The following DCAF13 variants were observed in gnomAD, a reference collection of about 807,000 sequenced individuals.
The protein encoded by DCAF13 is DDB1 and CUL4 associated factor 13.
DCAF13 carries 38 observed loss-of-function variants against 59.0 expected under a neutral mutation model. That is an observed-to-expected ratio of 0.64 (90% CI 0.50 to 0.84). The LOEUF (loss-of-function observed/expected upper bound fraction) is 0.84, where lower values mean the gene tolerates loss of function less well. DCAF13 is among the 40% of genes least tolerant of loss of function. The pLI is 0.00. For missense variants in DCAF13, 469 were observed against 558.4 expected, an observed-to-expected ratio of 0.84 and a Z score of 1.61; for synonymous variants, 173 against 175.0, an observed-to-expected ratio of 0.99 and a Z score of 0.09.
In DCAF13 at chr8:103,431,693, A is replaced by G. The variant is rs1482011093; in HGVS notation, c.703-966A>G. ...CGCAGCACTTCGCTGAGAATAAAAC[A>G]TGATACTTTAAGCATTTAGCAGAAT... is the stretch of plus-strand genomic sequence containing the variant. On this transcript the variant is annotated intron_variant, in intron 6 of 10. Transcript: ENST00000612750. Among the ~76,000 whole-genome samples the G allele has an allele frequency of 3.3e-5, 5 of 152,310 alleles. No homozygotes were observed. In the East Asian group the frequency reaches 7.7e-4, roughly 23 times the overall value.
chr8:103,432,803 C>T lies in DCAF13; in HGVS notation c.785+62C>T, dbSNP rs556037583. ...TCATGAATGGCTTAATTGTATAAGT[C>T]GTACTAATAAAATATATACCACTAG... On this transcript the variant is annotated intron_variant, in intron 7 of 10. Coordinates refer to ENST00000612750, the MANE Select transcript of DCAF13 (RefSeq NM_015420.7). 174 of 1,016,244 alleles carry T rather than the reference C, an allele frequency of 1.7e-4. No homozygotes were observed. In the South Asian group the frequency reaches 1.7e-3, roughly 10 times the overall value. The allele number at this position is 1,016,244 out of a possible 1,614,324, so 63.0% of individuals were successfully genotyped here.
At chr8:103,424,210 G>A (rs1009234474) in intron 3 of DCAF13, among the ~76,000 whole-genome samples, 2 of 151,978 alleles carry the variant, frequency 1.3e-5, no homozygotes, top group Non-Finnish European at 2.9e-5. Context: ...TTTATTTTTA[G>A]TAGAGACAGG....
intron 3 of DCAF13, among the ~76,000 whole-genome samples, chr8:103,424,380 G>T (rs966969894): frequency 2.0e-5 from 3 of 152,202 alleles, no homozygotes; most frequent in African/African-American, 7.2e-5. Context: ...CACATGTGAA[G>T]ACTACTTGCT....
chr8:103,435,168 CAA>C (rs1168982866), intron 7 of DCAF13, among the ~76,000 whole-genome samples: 3 of 152,034 alleles, frequency 2.0e-5, no homozygotes, highest in Non-Finnish European at 2.9e-5. Flanking sequence ...AAAATATTTT[CAA>C]AGATTGTTTA....
intron 1 of DCAF13, among the ~76,000 whole-genome samples, chr8:103,417,902 G>A (rs903615713): frequency 1.9e-4 from 29 of 152,026 alleles, no homozygotes; most frequent in African/African-American, 6.0e-4. Context: ...GGAAGATCAC[G>A]AGGTCAGGAG....
intron 8 of DCAF13, chr8:103,439,847 T>C (rs1158661278): frequency 5.2e-6 from 1 of 194,050 alleles, no homozygotes; most frequent in Non-Finnish European, 1.0e-5. Context: ...CATTTTATGC[T>C]TTTAGTTATT....
At chr8:103,421,163 C>A in intron 3 of DCAF13, 81 bp downstream of exon 3, 1 of 989,864 alleles carries the variant, frequency 1.0e-6, no homozygotes, top group Non-Finnish European at 1.6e-6. Flanking sequence ...TTTTCAAGTT[C>A]ATTTATTTGT....
intron 7 of DCAF13, among the ~76,000 whole-genome samples, chr8:103,434,851 C>T (rs1484089987): frequency 6.6e-6 from 1 of 152,004 alleles, no homozygotes; most frequent in Admixed American, 6.6e-5. Context: ...TATAGTTTCT[C>T]ATTTTGATTC....
chr8:103,438,152 T>C (rs945237025), intron 8 of DCAF13, among the ~76,000 whole-genome samples: 4 of 152,178 alleles, frequency 2.6e-5, no homozygotes, highest in Admixed American at 2.6e-4. Flanking sequence ...GGAAACCTGA[T>C]TGAATTTCCC....
intron 9 of DCAF13, 91 bp from the exon 10 acceptor site, chr8:103,441,364 T>C: frequency 8.0e-7 from 1 of 1,243,690 alleles, no homozygotes; most frequent in Admixed American, 2.8e-5. Context: ...CATAAAAGAT[T>C]AGGTTAGGGG....
intron 9 of DCAF13, 25 bp downstream of exon 9, chr8:103,440,296 T>C: frequency 6.5e-7 from 1 of 1,542,072 alleles, no homozygotes; most frequent in Non-Finnish European, 8.7e-7. Context: ...TTTCTTTCAT[T>C]GTCATAAAGC....
chr8:103,434,413 AAGC>A lies in DCAF13; in HGVS notation c.786-1211_786-1209del, dbSNP rs1207017499. ...TTATCATTTTTCCCATGTAGAAATA[AAGC>A]ATCTTACTAAAAAGCAGTTTGCTGG... is the stretch of plus-strand genomic sequence containing the variant. On this transcript the variant is annotated intron_variant, in intron 7 of 10. Coordinates refer to ENST00000612750, the MANE Select transcript of DCAF13 (RefSeq NM_015420.7). Among the ~76,000 whole-genome samples, 54 of 152,184 alleles carry A rather than the reference AAGC, an allele frequency of 3.5e-4. 1 individual carries two copies. Among genetic ancestry groups the A allele is most frequent in the Non-Finnish European group, 4.4e-5 (3 of 67,948 alleles).
chr8:103,415,426 C>G lies in DCAF13; in HGVS notation c.-21C>G, dbSNP rs763367767. 4.3e-6 allele frequency: 7 copies of G among 1,614,076 alleles called. No homozygotes were observed. In the South Asian group the frequency reaches 6.6e-5, roughly 15 times the overall value. The stretch of plus-strand genomic sequence containing the variant: ...ACTCCTAGCGGACACCTCGTGGAGT[C>G]CGGCCGGAAGAGCAACCGAGATGAA... On this transcript the variant is annotated 5_prime_UTR_variant, in exon 1 of 11. Transcript: ENST00000612750.
intron 10 of DCAF13, chr8:103,441,998 C>T (rs781689323): frequency 1.4e-4 from 24 of 165,858 alleles, no homozygotes; most frequent in Admixed American, 2.6e-4. Context: ...ATCTCCTGAC[C>T]TCGTGATCGC....
chr8:103,439,557 T>A (rs1816979869), intron 8 of DCAF13: 1 of 152,064 alleles, frequency 6.6e-6, no homozygotes, highest in Admixed American at 6.6e-5. Context: ...CCCAACTAAC[T>A]TTTGTAATTT....
At chr8:103,426,331 AAC>A (rs1277424353) in intron 4 of DCAF13, among the ~76,000 whole-genome samples, 186 bp downstream of exon 4, 1 of 151,992 alleles carries the variant, frequency 6.6e-6, no homozygotes, top group Non-Finnish European at 1.5e-5. Flanking sequence ...AAAGAATTTT[AAC>A]AGTTTTTTTT....
At chr8:103,418,527 C>G (rs986076471) in intron 1 of DCAF13, among the ~76,000 whole-genome samples, 9 of 151,498 alleles carry the variant, frequency 5.9e-5, no homozygotes, top group Admixed American at 4.6e-4. Flanking sequence ...AATGATACCG[C>G]ATCTCAAAAC....
In DCAF13 at chr8:103,441,606, C is replaced by T. The variant is rs202190823; in HGVS notation, c.1238C>T (p.Ala413Val). The change falls in exon 10 of 11, where the codon GCT becomes GTT. Residue 413 changes from alanine to valine, a missense_variant. Around this residue, in one of 3 missense-constraint regions of DCAF13, gnomAD observed 84 missense variants for 92.3 expected, o/e 0.91. Transcript: ENST00000612750. ...QIQEQRIMKE[A>V]RRRKEVNRIK... ...CAGGAACAGCGCATCATGAAAGAAG[C>T]TCGTCGACGAAAGTATGTTTTGAGG... 6.2e-7 allele frequency: 1 copy of T among 1,610,772 alleles called. No homozygotes were observed.
intron 3 of DCAF13, among the ~76,000 whole-genome samples, chr8:103,423,864 T>TC (rs1026420580): frequency 6.6e-6 from 1 of 152,016 alleles, no homozygotes; most frequent in African/African-American, 2.4e-5. Flanking sequence ...ACCACTTATT[T>TC]CCCCCCACTT....
Sources: allele counts gnomAD v4.1 joint callset (sites outside exome capture counted in the v4.1 genomes callset), GRCh38; gene constraint gnomAD v4.1.1; regional missense constraint gnomAD v4.1.1; transcripts MANE v1.5; gene names NCBI Gene and HGNC (gene_info 2026-07-23, HGNC 2026-07-21).